Variants in NINL observed in about 807,000 individuals in gnomAD.
NINL encodes ninein-like protein.
Under a neutral mutation model 160.3 loss-of-function variants are expected in NINL, and 153 were observed. The ratio of observed to expected loss-of-function variants is 0.95; its 90% CI spans 0.84 to 1.09. The LOEUF is 1.09. NINL is among the 50% of genes least tolerant of loss of function. The probability of loss-of-function intolerance (pLI) is 0.00; values close to 1 mark genes in which losing one functional copy is unlikely to be tolerated. For missense variants in NINL, 1,829 were observed against 1,764.0 expected (o/e 1.04, Z -0.66); for synonymous variants, 800 against 734.8 (o/e 1.09, Z -1.43).
rs570523244 is a variant in NINL, at chr20:25,475,989, G to T, written c.3248+54C>A. ...ATTAGCAACAGGGGTCAGTGGGTTA[G>T]TTCTGCATTTTTAGTTTGAAGTGTT... On this transcript the variant is annotated intron_variant, in intron 17 of 23. Transcript: ENST00000278886. 8.7e-5 allele frequency: 136 copies of T among 1,557,046 alleles called. 1 individual carries two copies. The East Asian group carries it at 3.0e-3, about 34-fold the overall frequency.
intron 1 of NINL, among the ~76,000 whole-genome samples, chr20:25,534,490 T>G (rs1210982750): frequency 6.6e-6 from 1 of 152,118 alleles, no homozygotes; most frequent in Non-Finnish European, 1.5e-5. Context: ...CATCACAGAG[T>G]GTACTTACAC....
chr20:25,545,225 T>G (rs564581513), intron 1 of NINL, among the ~76,000 whole-genome samples: 1 of 152,194 alleles, frequency 6.6e-6, no homozygotes, highest in Non-Finnish European at 1.5e-5. Flanking sequence ...TAAATCTACA[T>G]TTTACGTAAG....
chr20:25,573,894 G>C (rs1406279777), intron 1 of NINL, among the ~76,000 whole-genome samples: 1 of 152,202 alleles, frequency 6.6e-6, no homozygotes, highest in Admixed American at 6.5e-5. Flanking sequence ...AGAGCCTGGA[G>C]CATCAGGCCA....
chr20:25,532,953 G>C (rs2064493314), intron 1 of NINL, among the ~76,000 whole-genome samples: 1 of 152,064 alleles, frequency 6.6e-6, no homozygotes, highest in African/African-American at 2.4e-5. Flanking sequence ...TGGAAACCCT[G>C]GCCAGGAAGG....
rs1174494740 is a variant in NINL, at chr20:25,461,545, T to A, written c.3673A>T (p.Thr1225Ser). The A allele has an allele frequency of 1.9e-6, 3 of 1,589,178 alleles. No individual in the cohort carries two copies. Among genetic ancestry groups the A allele is most frequent in the Admixed American group, 1.8e-5 (1 of 54,476 alleles). The part of the protein sequence containing the change: ...LQLPWSELTQ[T>S]LEESQDQVQG... ...ACCTGGTCTTGACTTTCCTCAAGGG[T>A]CTGGGTCAGCTCTGACCATGGCAGC... The change falls in exon 21 of 24, where the codon ACC (threonine) becomes TCC (serine). Residue 1225 changes from threonine (T) to serine (S), a missense_variant. Transcript: ENST00000278886.
rs369509557 is a variant in NINL at position 25,453,502 on chromosome 20, G to C, written c.4098C>G (p.Arg1366=). ...TCCTACTGACGAGTTTGTTGAGAGC[G>C]CGAACTTTTTCTTCCAAGAGGCGGC... The part of the protein sequence containing the change: ...KQSRLLEEKV[R]ALNKLVSRIA... The change falls in exon 24 of 24, where the codon CGC becomes CGG. Residue 1366 remains arginine, a synonymous_variant. Coordinates refer to ENST00000278886, the MANE Select transcript of NINL (RefSeq NM_025176.6). 5.6e-6 allele frequency: 9 copies of C among 1,613,902 alleles called. No individual in the cohort carries two copies. The East Asian group carries it at 6.7e-5, about 12-fold the overall frequency.
intron 7 of NINL, 60 bp downstream of exon 7, chr20:25,503,892 T>C: frequency 6.3e-7 from 1 of 1,596,326 alleles, no homozygotes; most frequent in Non-Finnish European, 8.6e-7. Flanking sequence ...TCAGCAGTTT[T>C]AGTCACCAGA....
At chr20:25,489,848 A>T (rs760201261) in intron 12 of NINL, 27 bp downstream of exon 12, 1 of 1,586,444 alleles carries the variant, frequency 6.3e-7, no homozygotes, top group South Asian at 1.1e-5. Context: ...TCCCCTCTGG[A>T]GGCAGACTGT....
chr20:25,511,553 A>G (rs2064070057), intron 4 of NINL, among the ~76,000 whole-genome samples: 1 of 152,126 alleles, frequency 6.6e-6, no homozygotes, highest in African/African-American at 2.4e-5. Flanking sequence ...GGTGATAAAT[A>G]CGCAACCCCA....
intron 2 of NINL, among the ~76,000 whole-genome samples, chr20:25,521,134 T>C (rs1480740970): frequency 6.6e-6 from 1 of 152,258 alleles, no homozygotes; most frequent in African/African-American, 2.4e-5. Context: ...TCACTCCATC[T>C]GTACCACCTC....
At position 25,530,139 on chromosome 20, in the gene NINL, T is replaced by C. The variant is rs144525108; in HGVS notation, c.-11-3541A>G. ...TAAAATAAAGAACATAAAATAAGCCTGTCCCTTTATCCTCCCTGCTTCCCA... is the reference window on the plus strand; with the variant it reads ...TAAAATAAAGAACATAAAATAAGCCCGTCCCTTTATCCTCCCTGCTTCCCA... On this transcript the variant is annotated intron_variant, in intron 1 of 23. Transcript: ENST00000278886. Among the ~76,000 whole-genome samples, 766 of 152,344 alleles carry C rather than the reference T, an allele frequency of 5.0e-3. 7 individuals are homozygous for C. Among genetic ancestry groups the C allele is most frequent in the African/African-American group, 0.017 (716 of 41,574 alleles).
At chr20:25,579,808 C>T (rs1888037) in intron 1 of NINL, among the ~76,000 whole-genome samples, 19,594 of 152,232 alleles carry the variant, frequency 0.13, 2,021 homozygotes, top group East Asian at 0.57. Context: ...ATCCTGAGGT[C>T]TTCGGTGAAC....
intron 1 of NINL, among the ~76,000 whole-genome samples, chr20:25,564,216 A>G (rs2064976083): frequency 6.7e-6 from 1 of 148,304 alleles, no homozygotes. Flanking sequence ...GTGGTGCAAT[A>G]TCAGCTCACC....
Position 25,498,127 on chromosome 20 carries a change from G to A in NINL, c.1169+83C>T, listed in dbSNP as rs998912963. 2.4e-5 allele frequency: 37 copies of A among 1,512,400 alleles called. No individual in the cohort carries two copies. In the African/African-American group the frequency reaches 4.1e-4, roughly 17 times the overall value. 93.7% of individuals were successfully genotyped at this position (1,512,400 alleles called of 1,614,324 possible). A position where few individuals can be genotyped will look rare whatever the true frequency, so the allele number is the denominator to read the frequency against. ...ATGTGGGGTGGATAAGAGCTGACTGGTGTCCTTTGTGTCCCAGACCCCCCT... is the reference window on the plus strand; with the variant it reads ...ATGTGGGGTGGATAAGAGCTGACTGATGTCCTTTGTGTCCCAGACCCCCCT... On this transcript the variant is annotated intron_variant, in intron 9 of 23. Transcript: ENST00000278886.
At chr20:25,459,360 G>C (rs1050119116) in intron 21 of NINL, among the ~76,000 whole-genome samples, 1 of 152,146 alleles carries the variant, frequency 6.6e-6, no homozygotes, top group Admixed American at 6.5e-5. Context: ...GCCTGTCTTG[G>C]GGGGGCCAGG....
At chr20:25,468,581 G>GACTC (rs2062985245) in intron 18 of NINL, among the ~76,000 whole-genome samples, 3 of 80,140 alleles carry the variant, frequency 3.7e-5, no homozygotes, top group Admixed American at 1.9e-4. Context: ...CCTGTCCCCT[G>GACTC]TCACTGGTCT....
chr20:25,462,643 T>C, intron 19 of NINL, 102 bp from the exon 20 acceptor site: 1 of 719,732 alleles, frequency 1.4e-6, no homozygotes, highest in African/African-American at 3.3e-5. Flanking sequence ...TAAGTAGTCA[T>C]TTGTTTTGTT....
At chr20:25,496,568 C>T (rs2063757230) in intron 10 of NINL, 95 bp downstream of exon 10, 6 of 1,477,752 alleles carry the variant, frequency 4.1e-6, no homozygotes, top group Non-Finnish European at 5.5e-6. Flanking sequence ...GCCACACCCG[C>T]AGCTCTGGCC....
At chr20:25,461,452 G>A (rs1378358752) in intron 21 of NINL, 70 bp downstream of exon 21, 9 of 912,640 alleles carry the variant, frequency 9.9e-6, no homozygotes, top group South Asian at 3.3e-5. Context: ...TGGCAACACC[G>A]TTGGCACTGC....
Sources: gnomAD v4.1 joint callset for allele counts (sites outside exome capture counted in the v4.1 genomes callset) on GRCh38, gnomAD v4.1.1 for gene constraint, MANE v1.5 for transcripts, NCBI Gene and HGNC (gene_info 2026-07-23, HGNC 2026-07-21) for gene names.